The following RGS7BP variants were observed in gnomAD, a reference collection of about 807,000 sequenced individuals.
RGS7BP encodes the protein regulator of G protein signaling 7-binding protein.
In RGS7BP, 9 loss-of-function variants were observed where a neutral mutation model predicts 31.3. The observed-to-expected ratio is 0.29, with a 90% CI of 0.17 to 0.50. The LOEUF (loss-of-function observed/expected upper bound fraction) is 0.50, where lower values mean the gene tolerates loss of function less well. Among genes scored for constraint, RGS7BP ranks in the 20% least tolerant of loss-of-function variants. The pLI is 0.98. For missense variants in RGS7BP, 274 were observed against 322.0 expected, an observed-to-expected ratio of 0.85 and a Z score of 1.14; for synonymous variants, 115 against 120.1, an observed-to-expected ratio of 0.96 and a Z score of 0.28.
intron 2 of RGS7BP, among the ~76,000 whole-genome samples, chr5:64,529,426 A>G (rs1749316111): frequency 6.6e-6 from 1 of 152,234 alleles, no homozygotes; most frequent in Admixed American, 6.5e-5. Flanking sequence ...GACTGGGTAC[A>G]GGAATGGGAG....
At chr5:64,568,845 A>G (rs1742234839) in intron 2 of RGS7BP, among the ~76,000 whole-genome samples, 1 of 151,782 alleles carries the variant, frequency 6.6e-6, no homozygotes, top group Admixed American at 6.6e-5. Context: ...ATGAAAAAAA[A>G]AAGTGAATAA....
intron 2 of RGS7BP, among the ~76,000 whole-genome samples, chr5:64,571,517 G>A (rs898363226): frequency 2.0e-5 from 3 of 152,122 alleles, no homozygotes; most frequent in Admixed American, 2.0e-4. Flanking sequence ...AGGAGTTGTA[G>A]ACCACTTAAT....
chr5:64,514,806 A>G (rs1172557312), intron 2 of RGS7BP, among the ~76,000 whole-genome samples: 1 of 152,170 alleles, frequency 6.6e-6, no homozygotes. Flanking sequence ...GACCATAAGC[A>G]TACTCTGGAG....
intron 5 of RGS7BP, among the ~76,000 whole-genome samples, chr5:64,602,274 A>G (rs1361422941): frequency 6.6e-6 from 1 of 152,168 alleles, no homozygotes; most frequent in Admixed American, 6.5e-5. Flanking sequence ...AAGACTTTCT[A>G]TGTTTCTAGC....
chr5:64,508,465 T>C (rs1748751909), intron 2 of RGS7BP, among the ~76,000 whole-genome samples: 1 of 152,196 alleles, frequency 6.6e-6, no homozygotes, highest in South Asian at 2.1e-4. Flanking sequence ...CCTAACATGA[T>C]TTTGTCCCCC....
At chr5:64,588,449 A>G (rs1742817520) in intron 3 of RGS7BP, among the ~76,000 whole-genome samples, 1 of 152,182 alleles carries the variant, frequency 6.6e-6, no homozygotes, top group Non-Finnish European at 1.5e-5. Flanking sequence ...CAGAATCCCT[A>G]AGCTCAGGGT....
In RGS7BP at chr5:64,609,405, G is replaced by T; in HGVS notation, c.*153G>T. ...TCTGCCTCCCCCTGCCCTTTTAAAT[G>T]ATTTTACACTTGAAAGCAGCTGCCG... On this transcript the variant is annotated 3_prime_UTR_variant, in exon 6 of 6. Transcript: ENST00000334025. 3.5e-6 allele frequency: 2 copies of T among 570,452 alleles called. No individual in the cohort carries two copies. The highest frequency in any genetic ancestry group is 6.3e-6 in the Non-Finnish European group (2 of 316,546). The allele number at this position is 570,452 out of a possible 1,614,324, so 35.3% of individuals were successfully genotyped here. A position where few individuals can be genotyped will look rare whatever the true frequency, so the allele number is the denominator to read the frequency against.
intron 5 of RGS7BP, among the ~76,000 whole-genome samples, chr5:64,602,241 G>A (rs1351106878): frequency 6.6e-6 from 1 of 152,176 alleles, no homozygotes; most frequent in African/African-American, 2.4e-5. Context: ...GACCTTTTAG[G>A]TCCTTCCCCC....
chr5:64,578,984 C>T (rs1252465235), intron 3 of RGS7BP, among the ~76,000 whole-genome samples: 1 of 152,170 alleles, frequency 6.6e-6, no homozygotes, highest in Non-Finnish European at 1.5e-5. Flanking sequence ...GATATTTCTT[C>T]AACTGAATAT....
intron 2 of RGS7BP, among the ~76,000 whole-genome samples, chr5:64,525,222 G>T (rs1263555428): frequency 6.6e-5 from 10 of 152,220 alleles, no homozygotes; most frequent in African/African-American, 2.2e-4. Context: ...GATGGAGGTA[G>T]AGATAGGAAC....
chr5:64,516,112 T>A (rs149094636), intron 2 of RGS7BP, among the ~76,000 whole-genome samples: 1 of 152,148 alleles, frequency 6.6e-6, no homozygotes, highest in African/African-American at 2.4e-5. Context: ...CCGAAATAAA[T>A]GTTTTCAACC....
At chr5:64,512,913 A>G (rs1472143272) in intron 2 of RGS7BP, among the ~76,000 whole-genome samples, 1 of 152,232 alleles carries the variant, frequency 6.6e-6, no homozygotes, top group African/African-American at 2.4e-5. Context: ...ATCAAATAAT[A>G]TTTATAAAAT....
chr5:64,555,737 A>T (rs1741908435), intron 2 of RGS7BP, among the ~76,000 whole-genome samples: 1 of 152,184 alleles, frequency 6.6e-6, no homozygotes, highest in African/African-American at 2.4e-5. Context: ...TGGTAAAACA[A>T]GAAATTGAAT....
chr5:64,509,071 A>G (rs973301224), intron 2 of RGS7BP, among the ~76,000 whole-genome samples: 2 of 152,178 alleles, frequency 1.3e-5, no homozygotes, highest in African/African-American at 4.8e-5. Context: ...GAGAAGCCTT[A>G]TCCTTTTCTG....
chr5:64,550,667 T>G (rs1204765166), intron 2 of RGS7BP, among the ~76,000 whole-genome samples: 1 of 151,602 alleles, frequency 6.6e-6, no homozygotes, highest in Non-Finnish European at 1.5e-5. Context: ...GCTATGTTGG[T>G]GTGCTGCACC....
At chr5:64,545,597 T>C (rs1741640851) in intron 2 of RGS7BP, among the ~76,000 whole-genome samples, 1 of 152,214 alleles carries the variant, frequency 6.6e-6, no homozygotes, top group African/African-American at 2.4e-5. Context: ...TGGGCAGTGA[T>C]GTGAACCTGA....
intron 2 of RGS7BP, among the ~76,000 whole-genome samples, chr5:64,514,458 C>T (rs1236263452): frequency 6.6e-6 from 1 of 152,156 alleles, no homozygotes; most frequent in Non-Finnish European, 1.5e-5. Context: ...TGTATACTCT[C>T]TCCACACTTT....
intron 3 of RGS7BP, among the ~76,000 whole-genome samples, chr5:64,580,343 T>C (rs1742556779): frequency 6.6e-6 from 1 of 152,042 alleles, no homozygotes; most frequent in Non-Finnish European, 1.5e-5. Flanking sequence ...TTCATCTTCA[T>C]AAAAATAAGA....
At chr5:64,606,339 G>A (rs572363011) in intron 5 of RGS7BP, among the ~76,000 whole-genome samples, 1 of 151,794 alleles carries the variant, frequency 6.6e-6, no homozygotes, top group South Asian at 2.1e-4. Flanking sequence ...ACACATCAGA[G>A]TTGCATTCTA....
Sources: allele counts gnomAD v4.1 joint callset (sites outside exome capture counted in the v4.1 genomes callset), GRCh38; gene constraint gnomAD v4.1.1; transcripts MANE v1.5; gene names NCBI Gene and HGNC (gene_info 2026-07-23, HGNC 2026-07-21).